Variants in MED14 observed in about 807,000 individuals in gnomAD.
The protein encoded by MED14 is mediator complex subunit 14, also known as mediator of RNA polymerase II transcription subunit 14.
A neutral mutation model predicts 109.0 loss-of-function variants in MED14; 8 were observed. The observed-to-expected ratio is 0.07, with a 90% confidence interval of 0.04 to 0.13. The LOEUF (loss-of-function observed/expected upper bound fraction) is 0.13. Among genes scored for constraint, MED14 ranks in the 10% least tolerant of loss-of-function variants. The pLI, the probability that MED14 is intolerant of heterozygous loss-of-function variation, is 1.00. For synonymous variants in MED14, 399 were observed against 408.7 expected, an observed-to-expected ratio of 0.98 and a Z score of 0.29; for missense variants, 711 against 1,142.4, an observed-to-expected ratio of 0.62 and a Z score of 5.44.
At chrX:40,701,279 T>C (rs1361132572) in intron 11 of MED14, 36 bp from the exon 12 acceptor site, 1 of 929,819 alleles carries the variant, frequency 1.1e-6, no homozygotes, top group East Asian at 3.1e-5. Context: ...TAATTGCTTA[T>C]ATGAGAAACA....
chrX:40,663,821 T>C (rs952161290), intron 25 of MED14, among the ~76,000 whole-genome samples: 1 of 112,595 alleles, frequency 8.9e-6, no homozygotes, highest in African/African-American at 3.2e-5. Flanking sequence ...TTGTGAAATA[T>C]ATATTTGGTC....
rs201575342 is a variant in MED14 at position 40,705,648 on chromosome X, C to CAT, written c.1286-2081_1286-2080dup. Among the ~76,000 whole-genome samples the CAT allele has an allele frequency of 7.1e-3, 792 of 111,917 alleles. 13 individuals carry two copies. The highest frequency in any genetic ancestry group is 0.024 in the African/African-American group (751 of 30,782). The stretch of plus-strand genomic sequence containing the variant: ...TTGCTGCTATTTCGTCCTGCCAGAA[C>CAT]ATATATATATCTCCTTTTATTTCTA... On this transcript the variant is annotated intron_variant, in intron 10 of 30. Coordinates refer to ENST00000324817, the MANE Select transcript of MED14 (RefSeq NM_004229.4).
intron 2 of MED14, among the ~76,000 whole-genome samples, chrX:40,728,791 T>C (rs1931978774): frequency 1.8e-5 from 2 of 111,021 alleles, no homozygotes; most frequent in Non-Finnish European, 1.9e-5. Flanking sequence ...AATAGCATCA[T>C]TGTTGCAAGT....
At position 40,735,253 on chromosome X, in the gene MED14, G is replaced by C; in HGVS notation, c.160C>G (p.Leu54Val). The change falls in exon 1 of 31, where the codon CTC becomes GTC. Residue 54 changes from leucine (L) to valine (V), a missense_variant. By Grantham distance (32) the Leu-to-Val change is conservative. Coordinates refer to ENST00000324817, the MANE Select transcript of MED14 (RefSeq NM_004229.4). ...GCCCGGTGCAGCAGAAATTCAATGA[G>C]GGTGCTCAGCCGGTAGCCCGGGCTA... The part of the protein sequence containing the change: ...AASPGYRLST[L>V]IEFLLHRAYS... The C allele has an allele frequency of 8.7e-7, 1 of 1,148,569 alleles. No individual in the cohort carries two copies. The highest frequency in any genetic ancestry group is 1.2e-6 in the Non-Finnish European group (1 of 865,020). 94.7% of individuals were successfully genotyped at this position (1,148,569 alleles called of 1,213,427 possible).
chrX:40,730,138 A>G (rs1932027805), intron 1 of MED14, among the ~76,000 whole-genome samples: 1 of 112,021 alleles, frequency 8.9e-6, no homozygotes, highest in Non-Finnish European at 1.9e-5. Context: ...AGCCATTTAG[A>G]TTGTCTCCCA....
chrX:40,712,897 C>T lies in MED14; in HGVS notation c.781+17G>A, dbSNP rs192869121. On this transcript the variant is annotated intron_variant, in intron 6 of 30. Transcript: ENST00000324817. ...TTAAACTAATACTTATGATTTAAAT[C>T]ACTACTTATGATTTACCTCCTGTTT... 543 of 1,128,142 alleles carry T rather than the reference C, an allele frequency of 4.8e-4. 1 individual carries two copies. The African/African-American group carries it at 9.1e-3, about 19-fold the overall frequency. The allele number at this position is 1,128,142 out of a possible 1,213,427, so 93.0% of individuals were successfully genotyped here. A position where few individuals can be genotyped will look rare whatever the true frequency, so the allele number is the denominator to read the frequency against.
intron 28 of MED14, among the ~76,000 whole-genome samples, chrX:40,658,469 A>G (rs1366938746): frequency 9.0e-6 from 1 of 111,157 alleles, no homozygotes; most frequent in Non-Finnish European, 1.9e-5. Context: ...TTTAAAAATT[A>G]TATGTTATAA....
chrX:40,663,311 T>C, intron 25 of MED14, 151 bp from the exon 26 acceptor site: 1 of 493,487 alleles, frequency 2.0e-6, no homozygotes, highest in East Asian at 3.7e-5. Flanking sequence ...ATTAACAACC[T>C]GTTAGCAAAA....
At position 40,702,496 on chromosome X, in the gene MED14, G is replaced by A. The variant is rs1311353173; in HGVS notation, c.1411+948C>T. ...CGAGTAGCTGGGACTACAGGCACCC[G>A]CCACCACGTCTGGCTAATTTTTTGT... is the stretch of plus-strand genomic sequence containing the variant. On this transcript the variant is annotated intron_variant, in intron 11 of 30. Transcript: ENST00000324817. 7.3e-5 allele frequency among the ~76,000 whole-genome samples: 8 copies of A among 109,514 alleles called. No homozygotes were observed. The South Asian group carries it at 1.2e-3, about 16-fold the overall frequency.
chrX:40,728,411 T>A (rs746652459), intron 2 of MED14, among the ~76,000 whole-genome samples: 1 of 111,169 alleles, frequency 9.0e-6, no homozygotes, highest in African/African-American at 3.3e-5. Context: ...ATAACACAGG[T>A]TGCCCTAGTT....
chrX:40,655,187 C>T, intron 28 of MED14, 127 bp from the exon 29 acceptor site: 1 of 664,713 alleles, frequency 1.5e-6, no homozygotes, highest in Non-Finnish European at 2.3e-6. Context: ...AAGTTAATAA[C>T]TGCACTTTTT....
chrX:40,654,909 A>G lies in MED14; in HGVS notation c.4098+26T>C, dbSNP rs370087421. On this transcript the variant is annotated intron_variant, in intron 29 of 30. Coordinates refer to ENST00000324817, the MANE Select transcript of MED14 (RefSeq NM_004229.4). The stretch of plus-strand genomic sequence containing the variant: ...GGCATTTCCCTCAGAAGCTCTGTAC[A>G]TGCACACATGCTGGGTGGTACTTAC... 6.7e-6 allele frequency: 8 copies of G among 1,198,236 alleles called. No homozygotes were observed. In the African/African-American group the frequency reaches 1.1e-4, roughly 16 times the overall value.
At chrX:40,671,795 G>A in intron 23 of MED14, 66 bp downstream of exon 23, 3 of 687,671 alleles carry the variant, frequency 4.4e-6, no homozygotes, top group Non-Finnish European at 6.7e-6. Flanking sequence ...GCTTCTCAAT[G>A]TGGGGTGTGT....
rs1302289185 is a variant in MED14 at position 40,732,901 on chromosome X, G to GA, written c.215+2296dup. Among the ~76,000 whole-genome samples the GA allele has an allele frequency of 4.2e-4, 44 of 104,980 alleles. 1 individual carries two copies. The South Asian group carries it at 0.018, about 43-fold the overall frequency. 91.2% of individuals were successfully genotyped at this position (104,980 alleles called of 115,157 possible). On this transcript the variant is annotated intron_variant, in intron 1 of 30. Transcript: ENST00000324817. ...AACCAAAAGTGGTTAAGAGGTTGGA[G>GA]AAAAAAAAAAGGTTAAGGAACAGAG...
At chrX:40,698,057 T>C (rs1264708020) in intron 12 of MED14, among the ~76,000 whole-genome samples, 2 of 112,532 alleles carry the variant, frequency 1.8e-5, no homozygotes, top group African/African-American at 6.4e-5. Context: ...AACTGGTTAC[T>C]GATGAAGGAA....
intron 21 of MED14, among the ~76,000 whole-genome samples, chrX:40,677,457 C>T (rs1042998605): frequency 1.8e-5 from 2 of 110,778 alleles, no homozygotes; most frequent in Non-Finnish European, 3.8e-5. Context: ...TACCACACCC[C>T]CCCACACACA....
chrX:40,711,424 T>C, intron 7 of MED14, 123 bp from the exon 8 acceptor site: 1 of 499,640 alleles, frequency 2.0e-6, no homozygotes, highest in Non-Finnish European at 3.2e-6. Context: ...AGAAAATTTC[T>C]GAAATGATTA....
chrX:40,665,092 C>T, intron 24 of MED14, among the ~76,000 whole-genome samples: 1 of 111,867 alleles, frequency 8.9e-6, no homozygotes, highest in East Asian at 2.8e-4. Flanking sequence ...CCTCTGTAAC[C>T]AAATGACAAA....
intron 23 of MED14, among the ~76,000 whole-genome samples, chrX:40,670,184 C>T (rs1012544627): frequency 3.6e-5 from 4 of 111,852 alleles, no homozygotes; most frequent in African/African-American, 6.5e-5. Context: ...TGTGGGATGT[C>T]GAGCAGCCCA....
Sources: allele counts gnomAD v4.1 joint callset (sites outside exome capture counted in the v4.1 genomes callset), GRCh38; gene constraint gnomAD v4.1.1; transcripts MANE v1.5; gene names NCBI Gene and HGNC (gene_info 2026-07-23, HGNC 2026-07-21).